Variants in CAMTA1 observed in about 807,000 individuals in gnomAD.
CAMTA1 encodes calmodulin-binding transcription activator 1.
Under a neutral mutation model 170.9 loss-of-function variants are expected in CAMTA1, and 27 were observed. The observed-to-expected ratio is 0.16, with a 90% CI of 0.12 to 0.22. CAMTA1 has a LOEUF of 0.22. CAMTA1 is among the 10% of genes least tolerant of loss of function. The pLI, the probability that CAMTA1 is intolerant of heterozygous loss-of-function variation, is 1.00. For missense variants in CAMTA1, 1,619 were observed against 2,217.2 expected, an observed-to-expected ratio of 0.73 and a Z score of 5.42; for synonymous variants, 833 against 891.5, an observed-to-expected ratio of 0.93 and a Z score of 1.17.
chr1:7,177,459 CA>C (rs1651106647), intron 4 of CAMTA1, among the ~76,000 whole-genome samples: 1 of 149,840 alleles, frequency 6.7e-6, no homozygotes, highest in Non-Finnish European at 1.5e-5. Context: ...AGGCCCCTCC[CA>C]CACCCTGAGG....
At position 6,876,384 on chromosome 1, in the gene CAMTA1, G is replaced by A. The variant is rs147264408; in HGVS notation, c.234+51174G>A. Among the ~76,000 whole-genome samples the A allele has an allele frequency of 2.0e-3, 298 of 149,682 alleles. 2 individuals are homozygous for A. The highest frequency in any genetic ancestry group is 7.1e-3 in the African/African-American group (287 of 40,680). ...TAATTAATTTTTTTTTTTTTGAGAC[G>A]GAGTTTTGCTCTTGTCGCCCAGGCT... On this transcript the variant is annotated intron_variant, in intron 3 of 22. Coordinates refer to ENST00000303635, the MANE Select transcript of CAMTA1 (RefSeq NM_015215.4).
Position 7,198,531 on chromosome 1 carries a change from C to T in CAMTA1, c.303-50960C>T, listed in dbSNP as rs1656009645. Among the ~76,000 whole-genome samples, 3 of 151,984 alleles carry T rather than the reference C, an allele frequency of 2.0e-5. No homozygotes were observed. The South Asian group carries it at 6.2e-4, about 32-fold the overall frequency. ...ATGTCTCAGCAGCCCTGGGTGCTCC[C>T]GACATCACCCTGAGAAACCCCCAGG... On this transcript the variant is annotated intron_variant, in intron 4 of 22. Transcript: ENST00000303635.
At chr1:6,788,614 C>T (rs564393929) in intron 1 of CAMTA1, among the ~76,000 whole-genome samples, 1 of 152,216 alleles carries the variant, frequency 6.6e-6, no homozygotes, top group Non-Finnish European at 1.5e-5. Context: ...AACGAAGAGT[C>T]GAATACCTGC....
At position 7,570,966 on chromosome 1, in the gene CAMTA1, G is replaced by A. The variant is rs2095118700; in HGVS notation, c.511-69434G>A. Among the ~76,000 whole-genome samples, 1 of 152,126 alleles carries A rather than the reference G, an allele frequency of 6.6e-6. No individual in the cohort carries two copies. Among genetic ancestry groups the A allele is most frequent in the Non-Finnish European group, 1.5e-5 (1 of 68,022 alleles). On this transcript the variant is annotated intron_variant, in intron 6 of 22. Coordinates refer to ENST00000303635, the MANE Select transcript of CAMTA1 (RefSeq NM_015215.4). This position sits in a 1 kb window ranked among gnomAD's most constrained non-coding sequence, Gnocchi z 4.3. Reference sequence around the variant, plus strand: ...CTTTCTGTGTCGCCGGAGGTTGTGAGGATTAAAGGTGGTGTATCTGTAAGG... The same window carrying A: ...CTTTCTGTGTCGCCGGAGGTTGTGAAGATTAAAGGTGGTGTATCTGTAAGG...
intron 5 of CAMTA1, among the ~76,000 whole-genome samples, chr1:7,292,958 A>T (rs972094729): frequency 6.6e-6 from 1 of 152,080 alleles, no homozygotes; most frequent in African/African-American, 2.4e-5. Context: ...CACCAGGCAG[A>T]GGTTGGGTGG....
intron 3 of CAMTA1, among the ~76,000 whole-genome samples, chr1:6,829,527 CA>C (rs1648840181): frequency 6.6e-6 from 1 of 152,186 alleles, no homozygotes; most frequent in African/African-American, 2.4e-5. Flanking sequence ...ATGATGGCTG[CA>C]CTAATTATGG....
In CAMTA1 at chr1:7,722,137, C is replaced by T. The variant is rs768337265; in HGVS notation, c.2915-10311C>T. On this transcript the variant is annotated intron_variant, in intron 11 of 22. Transcript: ENST00000303635. The stretch of plus-strand genomic sequence containing the variant: ...TAGACACTTTCTCACTCACAGCAGA[C>T]GCCCAGACACTCGGGATTCTCCACT... 1.1e-4 allele frequency among the ~76,000 whole-genome samples: 16 copies of T among 152,136 alleles called. 1 individual carries two copies. Among genetic ancestry groups the T allele is most frequent in the Non-Finnish European group, 1.9e-4 (13 of 68,016 alleles).
chr1:7,643,188 T>G (rs2095778599), intron 7 of CAMTA1, among the ~76,000 whole-genome samples: 5 of 149,996 alleles, frequency 3.3e-5, no homozygotes, highest in African/African-American at 1.0e-4. Flanking sequence ...GTTGCCTTCC[T>G]GGCCTTTCTG....
chr1:6,802,257 T>G (rs1343659099), intron 1 of CAMTA1, among the ~76,000 whole-genome samples: 1 of 152,188 alleles, frequency 6.6e-6, no homozygotes, highest in Non-Finnish European at 1.5e-5. Flanking sequence ...TAGTCATGGC[T>G]CCTGCATGTC....
intron 3 of CAMTA1, among the ~76,000 whole-genome samples, chr1:7,017,598 G>T (rs1459349990): frequency 6.6e-6 from 1 of 152,236 alleles, no homozygotes; most frequent in Non-Finnish European, 1.5e-5. Flanking sequence ...TAAATGAGGA[G>T]TGGAGAGGTA....
intron 3 of CAMTA1, among the ~76,000 whole-genome samples, chr1:6,944,551 C>T (rs1274837041): frequency 6.6e-6 from 1 of 152,194 alleles, no homozygotes; most frequent in Non-Finnish European, 1.5e-5. Context: ...CCTGTCCCCT[C>T]TGCCTGGACA....
intron 5 of CAMTA1, among the ~76,000 whole-genome samples, chr1:7,429,625 GATA>G (rs1386583094): frequency 1.4e-4 from 21 of 152,074 alleles, no homozygotes; most frequent in African/African-American, 2.9e-4. Context: ...TGGTGATGGT[GATA>G]ATGATGATGA....
intron 4 of CAMTA1, among the ~76,000 whole-genome samples, chr1:7,214,004 A>G (rs1024735136): frequency 6.6e-6 from 1 of 152,130 alleles, no homozygotes; most frequent in Non-Finnish European, 1.5e-5. Context: ...AATCCAGTCT[A>G]TCATTGTTGG....
At chr1:7,217,898 C>T (rs1485413297) in intron 4 of CAMTA1, among the ~76,000 whole-genome samples, 1 of 152,116 alleles carries the variant, frequency 6.6e-6, no homozygotes, top group Non-Finnish European at 1.5e-5. Flanking sequence ...TAATTTAGGT[C>T]CATAATTAAA....
At chr1:6,902,653 T>C (rs1677382570) in intron 3 of CAMTA1, among the ~76,000 whole-genome samples, 1 of 152,236 alleles carries the variant, frequency 6.6e-6, no homozygotes, top group Non-Finnish European at 1.5e-5. Flanking sequence ...TCAGAATGTA[T>C]GGACCTGTGC....
intron 4 of CAMTA1, among the ~76,000 whole-genome samples, chr1:7,125,319 C>T (rs1357808632): frequency 1.3e-5 from 2 of 152,180 alleles, no homozygotes; most frequent in Non-Finnish European, 2.9e-5. Flanking sequence ...CTCCCTCATT[C>T]ATCCATTCAT....
At chr1:7,401,531 A>T (rs2089905116) in intron 5 of CAMTA1, among the ~76,000 whole-genome samples, 1 of 152,306 alleles carries the variant, frequency 6.6e-6, no homozygotes, top group East Asian at 1.9e-4. Flanking sequence ...TAAAAAAAAA[A>T]ATCCTTCTGG....
At chr1:7,616,119 G>A (rs920773336) in intron 6 of CAMTA1, among the ~76,000 whole-genome samples, 1 of 152,226 alleles carries the variant, frequency 6.6e-6, no homozygotes, top group Non-Finnish European at 1.5e-5. Context: ...AACCCAGCCT[G>A]GGCTTCCCCA....
chr1:7,666,039 C>T (rs537719638), intron 9 of CAMTA1, among the ~76,000 whole-genome samples: 3 of 151,988 alleles, frequency 2.0e-5, no homozygotes, highest in South Asian at 2.1e-4. Flanking sequence ...CGTAGTGGCA[C>T]GTGCCTGTAA....
Sources: gnomAD v4.1 joint callset for allele counts (sites outside exome capture counted in the v4.1 genomes callset) on GRCh38, gnomAD v4.1.1 for gene constraint, Gnocchi (gnomAD v3.1) non-coding constraint, MANE v1.5 for transcripts, NCBI Gene and HGNC (gene_info 2026-07-23, HGNC 2026-07-21) for gene names.